Variants in INPP5D observed in about 807,000 individuals in gnomAD.
INPP5D encodes phosphatidylinositol 3,4,5-trisphosphate 5-phosphatase 1.
A neutral mutation model predicts 122.9 loss-of-function variants in INPP5D; 33 were observed. The observed-to-expected ratio is 0.27, with a 90% CI of 0.20 to 0.36. The LOEUF is 0.36. INPP5D is among the 10% of genes least tolerant of loss of function. INPP5D has a pLI of 1.00. For missense variants in INPP5D, 1,053 were observed against 1,412.7 expected, an observed-to-expected ratio of 0.75 and a Z score of 4.08; for synonymous variants, 584 against 576.2, an observed-to-expected ratio of 1.01 and a Z score of -0.19.
intron 13 of INPP5D, among the ~76,000 whole-genome samples, chr2:233,166,616 C>CT (rs1270698486): frequency 2.0e-5 from 3 of 152,062 alleles, no homozygotes; most frequent in Non-Finnish European, 4.4e-5. Flanking sequence ...CCTTCCCCTC[C>CT]TCTCTGCCCT....
In INPP5D at chr2:233,114,155, G is replaced by A. The variant is rs540702491; in HGVS notation, c.199-7952G>A. On this transcript the variant is annotated intron_variant, in intron 2 of 26. Coordinates refer to ENST00000445964, the MANE Select transcript of INPP5D (RefSeq NM_001017915.3). ...GATCTCCTGACCTTGTGATCTGCCC[G>A]CCTCGGCCTCCCAAAGGGCTGGGAT... Among the ~76,000 whole-genome samples, 479 of 152,178 alleles carry A rather than the reference G, an allele frequency of 3.1e-3. 5 individuals carry two copies. Among genetic ancestry groups the A allele is most frequent in the African/African-American group, 7.4e-3 (308 of 41,528 alleles).
intron 9 of INPP5D, among the ~76,000 whole-genome samples, chr2:233,149,306 G>T (rs1034752313): frequency 8.6e-5 from 13 of 151,976 alleles, no homozygotes; most frequent in Non-Finnish European, 1.3e-4. Flanking sequence ...TCACCATGTT[G>T]GTCAGTGTGG....
chr2:233,111,279 GT>G (rs1692619070), intron 2 of INPP5D, among the ~76,000 whole-genome samples: 1 of 152,008 alleles, frequency 6.6e-6, no homozygotes, highest in African/African-American at 2.4e-5. Context: ...TCGTTCAAAT[GT>G]TTTTAGTAGT....
At chr2:233,126,244 T>C (rs1331462127) in intron 4 of INPP5D, among the ~76,000 whole-genome samples, 1 of 152,242 alleles carries the variant, frequency 6.6e-6, no homozygotes, top group Non-Finnish European at 1.5e-5. Flanking sequence ...GTAATCTCCA[T>C]GCCTTAGTAA....
chr2:233,097,124 A>G (rs1165193586), intron 2 of INPP5D, among the ~76,000 whole-genome samples: 2 of 152,212 alleles, frequency 1.3e-5, no homozygotes, highest in Non-Finnish European at 2.9e-5. Flanking sequence ...ATTGATTCAC[A>G]ATGCCATTAT....
intron 9 of INPP5D, among the ~76,000 whole-genome samples, chr2:233,157,443 A>G (rs1694084486): frequency 6.6e-6 from 1 of 151,306 alleles, no homozygotes; most frequent in Admixed American, 6.6e-5. Context: ...AAAAAAAAAA[A>G]GTATGGCAAT....
chr2:233,116,270 GATATAGATATAGAT>G (rs1172843312), intron 2 of INPP5D, among the ~76,000 whole-genome samples: 2 of 147,960 alleles, frequency 1.4e-5, no homozygotes, highest in East Asian at 1.9e-4. Flanking sequence ...TATAGATATA[GATATAGATATAGAT>G]ATATAGATAT....
intron 4 of INPP5D, among the ~76,000 whole-genome samples, chr2:233,127,808 A>G (rs958472804): frequency 1.3e-5 from 2 of 152,176 alleles, no homozygotes; most frequent in African/African-American, 4.8e-5. Context: ...GGGTTTCTCC[A>G]TGTTGGTTAG....
intron 4 of INPP5D, among the ~76,000 whole-genome samples, chr2:233,126,302 G>T (rs1693155923): frequency 6.6e-6 from 1 of 152,198 alleles, no homozygotes; most frequent in African/African-American, 2.4e-5. Flanking sequence ...GCCCCCCAAA[G>T]AAATCCTAAT....
intron 3 of INPP5D, among the ~76,000 whole-genome samples, chr2:233,125,035 G>A (rs909559296): frequency 1.8e-4 from 28 of 152,376 alleles, no homozygotes; most frequent in Admixed American, 1.7e-3. Flanking sequence ...TGGGCCAGAG[G>A]CAGCCGCTCT....
At chr2:233,062,963 C>A (rs1175808704) in intron 1 of INPP5D, among the ~76,000 whole-genome samples, 3 of 151,632 alleles carry the variant, frequency 2.0e-5, no homozygotes, top group Non-Finnish European at 4.4e-5. Context: ...GCCTTTGACA[C>A]CAAAAGAGGC....
intron 20 of INPP5D, 107 bp downstream of exon 20, chr2:233,184,628 T>C: frequency 7.6e-6 from 11 of 1,452,960 alleles, no homozygotes; most frequent in Non-Finnish European, 1.0e-5. Flanking sequence ...TGGAAAGGAC[T>C]CACGAAGCTG....
intron 2 of INPP5D, among the ~76,000 whole-genome samples, chr2:233,091,892 G>A (rs1336495034): frequency 6.6e-6 from 1 of 152,172 alleles, no homozygotes; most frequent in African/African-American, 2.4e-5. Flanking sequence ...GCTCTCCACT[G>A]TCTCTGTAGC....
chr2:233,087,051 TG>T (rs1341112860), intron 2 of INPP5D, among the ~76,000 whole-genome samples: 2 of 152,198 alleles, frequency 1.3e-5, no homozygotes, highest in African/African-American at 2.4e-5. Context: ...GTCTGTGCAC[TG>T]GGGAGGCATG....
At position 233,122,269 on chromosome 2, in the gene INPP5D, G is replaced by C. The variant is rs1192322705; in HGVS notation, c.349+12G>C. The C allele has an allele frequency of 1.9e-6, 3 of 1,611,850 alleles. No homozygotes were observed. The highest frequency in any genetic ancestry group is 3.3e-5 in the Admixed American group (2 of 59,756). On this transcript the variant is annotated intron_variant, in intron 3 of 26. Transcript: ENST00000445964. ...TGAGGAGGACACAGGTAGGGAGGGA[G>C]GGACAGGACGGCAGGAGGTACTTTT...
At chr2:233,064,265 C>T (rs929351390) in intron 1 of INPP5D, among the ~76,000 whole-genome samples, 27 of 152,240 alleles carry the variant, frequency 1.8e-4, no homozygotes, top group Non-Finnish European at 3.7e-4. Flanking sequence ...ATGGGGGAGG[C>T]GAAGGCACGT....
Position 233,189,978 on chromosome 2 carries a change from G to A in INPP5D, c.2446+41G>A. ...CAGGTGCCACACCTGCCTGTGAACT[G>A]GCGGCCTCTGACGTAGCATTGCCTT... On this transcript the variant is annotated intron_variant, in intron 22 of 26. Transcript: ENST00000445964. The surrounding 1 kb of genome is among the most constrained non-coding windows in gnomAD (Gnocchi z 5.6). The A allele has an allele frequency of 6.2e-7, 1 of 1,605,306 alleles. No homozygotes were observed. Among genetic ancestry groups the A allele is most frequent in the Non-Finnish European group, 8.5e-7 (1 of 1,176,184 alleles).
In INPP5D at chr2:233,112,255, CTTTA is replaced by C. The variant is rs1574735670; in HGVS notation, c.199-9846_199-9843del. On this transcript the variant is annotated intron_variant, in intron 2 of 26. Transcript: ENST00000445964. ...CTGTGGGGAGGAGCCGTCCCTTCTC[CTTTA>C]TTTATGTCAGTACAGACTCATGAAT... Among the ~76,000 whole-genome samples, 4 of 152,226 alleles carry C rather than the reference CTTTA, an allele frequency of 2.6e-5. No individual in the cohort carries two copies. In the East Asian group the frequency reaches 5.8e-4, roughly 22 times the overall value.
At chr2:233,178,525 C>A (rs1047820691) in intron 18 of INPP5D, among the ~76,000 whole-genome samples, 7 of 151,576 alleles carry the variant, frequency 4.6e-5, no homozygotes, top group African/African-American at 1.7e-4. Flanking sequence ...CTCAGTCGCC[C>A]AGGCTGGAGT....
Sources: gnomAD v4.1 joint callset for allele counts (sites outside exome capture counted in the v4.1 genomes callset) on GRCh38, gnomAD v4.1.1 for gene constraint, Gnocchi (gnomAD v3.1) non-coding constraint, MANE v1.5 for transcripts, NCBI Gene and HGNC (gene_info 2026-07-23, HGNC 2026-07-21) for gene names.